Variants in SBF2 observed in about 807,000 individuals in gnomAD.
The protein encoded by SBF2 is SET binding factor 2, also known as myotubularin-related protein 13.
Under a neutral mutation model 225.2 loss-of-function variants are expected in SBF2, and 112 were observed. The ratio of observed to expected loss-of-function variants is 0.50; its 90% confidence interval spans 0.43 to 0.58. The LOEUF is 0.58. SBF2 is among the 20% of genes least tolerant of loss of function. The pLI is 0.00. For missense variants in SBF2, 1,996 were observed against 2,206.2 expected (o/e 0.90, Z 1.91); for synonymous variants, 763 against 773.3 (o/e 0.99, Z 0.22).
intron 29 of SBF2, 58 bp downstream of exon 29, chr11:9,816,780 GTT>G: frequency 7.1e-6 from 11 of 1,543,750 alleles, no homozygotes; most frequent in Non-Finnish European, 9.8e-6. Flanking sequence ...TGTGATACAG[GTT>G]TTATCAACAG....
chr11:10,213,808 A>C (rs528966569), intron 1 of SBF2, among the ~76,000 whole-genome samples: 92 of 152,334 alleles, frequency 6.0e-4, no homozygotes, highest in African/African-American at 2.2e-3. Flanking sequence ...GGAGTCATTC[A>C]AATGGTTCCA....
intron 16 of SBF2, among the ~76,000 whole-genome samples, chr11:9,942,284 C>A (rs1040083098): frequency 1.3e-5 from 2 of 152,124 alleles, no homozygotes; most frequent in African/African-American, 4.8e-5. Flanking sequence ...CCAAGCTGGG[C>A]TCAAGCAATC....
chr11:9,962,307 C>G (rs140336745), intron 15 of SBF2, among the ~76,000 whole-genome samples: 3 of 152,174 alleles, frequency 2.0e-5, no homozygotes, highest in African/African-American at 7.2e-5. Context: ...TGTAAACCAG[C>G]AAGAAATATA....
intron 2 of SBF2, among the ~76,000 whole-genome samples, chr11:10,063,514 C>A (rs1369365967): frequency 6.6e-6 from 1 of 151,344 alleles, no homozygotes; most frequent in Non-Finnish European, 1.5e-5. Context: ...CCCTGCACCA[C>A]GCCCAGCTAT....
At chr11:10,227,143 A>G (rs1958602724) in intron 1 of SBF2, among the ~76,000 whole-genome samples, 2 of 152,068 alleles carry the variant, frequency 1.3e-5, no homozygotes, top group Admixed American at 6.5e-5. Context: ...GTGTCTGTTC[A>G]TATCCTTTGC....
In SBF2 at chr11:10,042,925, A is replaced by G; in HGVS notation, c.198T>C (p.Phe66=). The G allele has an allele frequency of 6.2e-7, 1 of 1,614,052 alleles. No individual in the cohort carries two copies. Among genetic ancestry groups the G allele is most frequent in the East Asian group, 2.2e-5 (1 of 44,882 alleles). ...LSRERKQPTF[F]VVVLTDIDSD... Reference sequence around the variant, plus strand: ...AGTCAATGTCTGTCAGGACAACCACAAAGAACGTTGGCTGCTTCCTCTCTC... The same window carrying G: ...AGTCAATGTCTGTCAGGACAACCACGAAGAACGTTGGCTGCTTCCTCTCTC... Residue 66 remains phenylalanine, a synonymous_variant, in exon 3 of 40, where the codon TTT becomes TTC. Transcript: ENST00000256190.
At chr11:10,283,646 T>C (rs1257195904) in intron 1 of SBF2, among the ~76,000 whole-genome samples, 2 of 151,716 alleles carry the variant, frequency 1.3e-5, no homozygotes, top group Non-Finnish European at 1.5e-5. Context: ...TAAAGGCATA[T>C]AAAATTAACA....
intron 33 of SBF2, among the ~76,000 whole-genome samples, chr11:9,795,093 G>A (rs974311062): frequency 3.3e-5 from 5 of 151,966 alleles, no homozygotes; most frequent in African/African-American, 9.7e-5. Flanking sequence ...CCTCTCCCCC[G>A]TAACAGTTAT....
At chr11:10,070,750 C>T (rs2134805153) in intron 2 of SBF2, among the ~76,000 whole-genome samples, 1 of 152,262 alleles carries the variant, frequency 6.6e-6, no homozygotes, top group East Asian at 1.9e-4. Context: ...TTACTTTGGG[C>T]CATATGGCCA....
At chr11:9,854,094 T>C (rs1050724564) in intron 19 of SBF2, among the ~76,000 whole-genome samples, 7 of 152,302 alleles carry the variant, frequency 4.6e-5, no homozygotes, top group Admixed American at 4.6e-4. Context: ...AAGTTAATTA[T>C]TACATAGAGA....
chr11:9,844,497 T>C (rs1407910864), intron 24 of SBF2, among the ~76,000 whole-genome samples: 1 of 152,200 alleles, frequency 6.6e-6, no homozygotes, highest in African/African-American at 2.4e-5. Context: ...TATTTCGTCA[T>C]AACTGAAGTT....
At chr11:10,250,490 A>C (rs1034939319) in intron 1 of SBF2, among the ~76,000 whole-genome samples, 1 of 152,230 alleles carries the variant, frequency 6.6e-6, no homozygotes, top group Non-Finnish European at 1.5e-5. Flanking sequence ...GTGGTGACTT[A>C]TAAATTGTGA....
intron 16 of SBF2, among the ~76,000 whole-genome samples, chr11:9,941,827 T>TA (rs1283024524): frequency 3.3e-5 from 5 of 151,712 alleles, no homozygotes; most frequent in African/African-American, 1.2e-4. Flanking sequence ...GAAAGTGAGG[T>TA]AAAAACCATT....
At chr11:10,301,610 A>T (rs1964599459) in intron 1 of SBF2, among the ~76,000 whole-genome samples, 1 of 152,196 alleles carries the variant, frequency 6.6e-6, no homozygotes, top group African/African-American at 2.4e-5. Flanking sequence ...GCACTTAGCT[A>T]CTCACATTTT....
chr11:10,178,607 T>C (rs1319292484), intron 2 of SBF2, among the ~76,000 whole-genome samples: 2,218 of 146,524 alleles, frequency 0.015, 29 homozygotes, highest in African/African-American at 0.046. Flanking sequence ...TCACCATCAC[T>C]GGCCATCAGA....
chr11:9,899,934 G>T (rs1394980632), intron 16 of SBF2, among the ~76,000 whole-genome samples: 1 of 151,744 alleles, frequency 6.6e-6, no homozygotes, highest in Non-Finnish European at 1.5e-5. Flanking sequence ...AAACTATTCT[G>T]CTAATACTAG....
Position 10,133,225 on chromosome 11 carries a change from G to A in SBF2, c.141+60677C>T, listed in dbSNP as rs570865336. On this transcript the variant is annotated intron_variant, in intron 2 of 39. Transcript: ENST00000256190. ...CTCTCCACATCCCCATCAGACTCAGGAGCCCAGCTGGCTTCACCTAGTGGA... is the reference window on the plus strand; with the variant it reads ...CTCTCCACATCCCCATCAGACTCAGAAGCCCAGCTGGCTTCACCTAGTGGA... Among the ~76,000 whole-genome samples, 7 of 149,618 alleles carry A rather than the reference G, an allele frequency of 4.7e-5. 1 individual carries two copies. Among genetic ancestry groups the A allele is most frequent in the African/African-American group, 1.7e-4 (7 of 40,670 alleles).
chr11:10,180,828 T>C (rs187597559), intron 2 of SBF2, among the ~76,000 whole-genome samples: 206 of 152,276 alleles, frequency 1.4e-3, no homozygotes, highest in African/African-American at 4.8e-3. Flanking sequence ...TCTGCTGCTG[T>C]TAAGAGACTC....
intron 2 of SBF2, among the ~76,000 whole-genome samples, chr11:10,086,195 T>C (rs568159838): frequency 6.6e-6 from 1 of 152,132 alleles, no homozygotes; most frequent in Admixed American, 6.5e-5. Context: ...GAGGTGTTTA[T>C]CTTGCTTTTG....
Sources: allele counts gnomAD v4.1 joint callset (sites outside exome capture counted in the v4.1 genomes callset), GRCh38; gene constraint gnomAD v4.1.1; transcripts MANE v1.5; gene names NCBI Gene and HGNC (gene_info 2026-07-23, HGNC 2026-07-21).